The following FAM228A variants were observed in gnomAD, a reference collection of about 807,000 sequenced individuals.
The protein encoded by FAM228A is protein FAM228A.
A neutral mutation model predicts 18.6 loss-of-function variants in FAM228A; 13 were observed. The ratio of observed to expected loss-of-function variants is 0.70; its 90% CI spans 0.45 to 1.11. The LOEUF is 1.11. FAM228A is among the 50% of genes least tolerant of loss of function. FAM228A has a pLI of 0.00. For synonymous variants in FAM228A, 77 were observed against 86.6 expected, an observed-to-expected ratio of 0.89 and a Z score of 0.61; for missense variants, 240 against 242.2, an observed-to-expected ratio of 0.99 and a Z score of 0.06.
At chr2:24,176,207 G>A in intron 2 of FAM228A, 1 of 984,290 alleles carries the variant, frequency 1.0e-6, no homozygotes, top group Non-Finnish European at 1.2e-6. Context: ...TTACTAGGAT[G>A]TTCTTTAAGA....
intron 5 of FAM228A, chr2:24,188,749 G>C (rs545649261): frequency 1.2e-4 from 86 of 701,080 alleles, no homozygotes; most frequent in Non-Finnish European, 1.5e-4. Context: ...TCTTTTTAAA[G>C]CTGTCCAGTG....
rs527483149 is a variant in FAM228A at position 24,186,057 on chromosome 2, G to A, written c.401+2412G>A. Among the ~76,000 whole-genome samples, 168 of 151,928 alleles carry A rather than the reference G, an allele frequency of 1.1e-3. 1 individual carries two copies. The highest frequency in any genetic ancestry group is 3.6e-3 in the African/African-American group (148 of 41,426). On this transcript the variant is annotated intron_variant, in intron 5 of 5. Coordinates refer to ENST00000295150, the MANE Select transcript of FAM228A (RefSeq NM_001040710.3). ...TTTTATTTTTTTGAGATGGAGTCTC[G>A]CTCTGTCACCCAGGCTGGAGTGCAG... is the stretch of plus-strand genomic sequence containing the variant.
chr2:24,183,145 T>C (rs754061979), intron 3 of FAM228A, 140 bp from the exon 4 acceptor site: 2 of 643,428 alleles, frequency 3.1e-6, no homozygotes, highest in Non-Finnish European at 5.5e-6. Context: ...GAATAGGTCG[T>C]TTTTCAACCC....
intron 5 of FAM228A, among the ~76,000 whole-genome samples, chr2:24,189,908 C>T (rs954737784): frequency 1.3e-5 from 2 of 152,014 alleles, no homozygotes; most frequent in Non-Finnish European, 2.9e-5. Context: ...CCAGGCTGCT[C>T]GGGGGACGGA....
chr2:24,186,030 C>G (rs950139851), intron 5 of FAM228A, among the ~76,000 whole-genome samples: 4 of 151,962 alleles, frequency 2.6e-5, no homozygotes, highest in African/African-American at 7.2e-5. Flanking sequence ...ACACAATATT[C>G]TTTTTATTTT....
chr2:24,188,344 A>G (rs1422168588), intron 5 of FAM228A: 1 of 717,934 alleles, frequency 1.4e-6, no homozygotes, highest in Admixed American at 6.3e-5. Context: ...TCAACCCATC[A>G]TCTAAGTATT....
chr2:24,179,063 G>A, intron 3 of FAM228A: 1 of 814,510 alleles, frequency 1.2e-6, no homozygotes, highest in Non-Finnish European at 1.5e-6. Flanking sequence ...GATAGTAAAT[G>A]AAACATTTCT....
chr2:24,180,624 G>A (rs1667794931), intron 3 of FAM228A, among the ~76,000 whole-genome samples: 3 of 152,190 alleles, frequency 2.0e-5, no homozygotes, highest in Admixed American at 2.0e-4. Flanking sequence ...ATGGGTATAG[G>A]GAGGAAGATC....
chr2:24,183,368 G>A lies in FAM228A; in HGVS notation c.246G>A (p.Glu82=), dbSNP rs1667862027. ...DEERRTGLQC[E]TGKRHSIKEL... ...AGAGGAGAACTGGTCTTCAGTGTGA[G>A]ACAGGTGCTTTGTGATCACTGGGCC... The change falls in exon 4 of 6, where the codon GAG becomes GAA. Residue 82 remains glutamate, a synonymous_variant. Coordinates refer to ENST00000295150, the MANE Select transcript of FAM228A (RefSeq NM_001040710.3). 1 of 1,613,800 alleles carries A rather than the reference G, an allele frequency of 6.2e-7. No individual in the cohort carries two copies. The highest frequency in any genetic ancestry group is 1.1e-5 in the South Asian group (1 of 91,064).
intron 3 of FAM228A, among the ~76,000 whole-genome samples, chr2:24,182,249 AT>A (rs1339878093): frequency 1.3e-5 from 2 of 152,162 alleles, no homozygotes; most frequent in Non-Finnish European, 2.9e-5. Flanking sequence ...ATGACTGTTA[AT>A]TTTTTAAAAA....
chr2:24,189,818 C>A (rs1281871239), intron 5 of FAM228A, among the ~76,000 whole-genome samples: 1 of 152,018 alleles, frequency 6.6e-6, no homozygotes, highest in Non-Finnish European at 1.5e-5. Context: ...AAGCCAGAAT[C>A]CTTCTCAAAG....
At chr2:24,187,942 C>G (rs540447299) in intron 5 of FAM228A, among the ~76,000 whole-genome samples, 82 of 151,964 alleles carry the variant, frequency 5.4e-4, no homozygotes, top group African/African-American at 1.9e-3. Flanking sequence ...TTTATTTATC[C>G]TACTTGGAAT....
chr2:24,184,863 G>T (rs576799868), intron 5 of FAM228A, among the ~76,000 whole-genome samples: 4 of 141,584 alleles, frequency 2.8e-5, no homozygotes, highest in African/African-American at 8.0e-5. Flanking sequence ...TCATTCTATC[G>T]TCAGGCTGGA....
At chr2:24,183,164 T>A in intron 3 of FAM228A, 121 bp from the exon 4 acceptor site, 1 of 735,106 alleles carries the variant, frequency 1.4e-6, no homozygotes. Context: ...CCTCGCCCCC[T>A]CCTGCCCTTC....
chr2:24,190,337 A>C lies in FAM228A; in HGVS notation c.402-75A>C, dbSNP rs140157706. On this transcript the variant is annotated intron_variant, in intron 5 of 5. Transcript: ENST00000295150. ...AAGTGACGATTGAGTTCATTGCATTAATCTTCGGAAACTATTTGATGGTAC... is the reference window on the plus strand; with the variant it reads ...AAGTGACGATTGAGTTCATTGCATTCATCTTCGGAAACTATTTGATGGTAC... 2.8e-5 allele frequency: 41 copies of C among 1,460,026 alleles called. 1 individual carries two copies. The Middle Eastern group carries it at 2.3e-3, about 82-fold the overall frequency. The allele number at this position is 1,460,026 out of a possible 1,614,324, so 90.4% of individuals were successfully genotyped here. A position where few individuals can be genotyped will look rare whatever the true frequency, so the allele number is the denominator to read the frequency against.
At chr2:24,177,370 G>A (rs1667715692) in intron 2 of FAM228A, among the ~76,000 whole-genome samples, 1 of 152,164 alleles carries the variant, frequency 6.6e-6, no homozygotes, top group East Asian at 1.9e-4. Flanking sequence ...AACCTGGAGG[G>A]CGGAGGTTAC....
intron 2 of FAM228A, among the ~76,000 whole-genome samples, chr2:24,177,394 T>C (rs1389136332): frequency 3.3e-5 from 5 of 152,138 alleles, no homozygotes; most frequent in African/African-American, 1.2e-4. Flanking sequence ...GAGCCAGGAT[T>C]ATACCACTGC....
At chr2:24,183,074 G>A (rs1667852506) in intron 3 of FAM228A, among the ~76,000 whole-genome samples, 1 of 152,114 alleles carries the variant, frequency 6.6e-6, no homozygotes, top group Admixed American at 6.5e-5. Flanking sequence ...TGGGGTACGA[G>A]GTTGGGGTGC....
At position 24,178,003 on chromosome 2, in the gene FAM228A, T is replaced by A. The variant is rs1667731117; in HGVS notation, c.162+133T>A. On this transcript the variant is annotated intron_variant, in intron 3 of 5. Transcript: ENST00000295150. ...GCAGGAGTAATGAGGATCCTCTAAT[T>A]TACTTGTTTGTACTACATGCATCTG... The A allele has an allele frequency of 5.0e-6, 3 of 595,122 alleles. No individual in the cohort carries two copies. The South Asian group carries it at 7.5e-5, about 15-fold the overall frequency. The allele number at this position is 595,122 out of a possible 1,614,324, so 36.9% of individuals were successfully genotyped here.
Sources: allele counts gnomAD v4.1 joint callset (sites outside exome capture counted in the v4.1 genomes callset), GRCh38; gene constraint gnomAD v4.1.1; transcripts MANE v1.5; gene names NCBI Gene and HGNC (gene_info 2026-07-23, HGNC 2026-07-21).